Variants in ATP10A observed in about 807,000 individuals in gnomAD.
ATP10A encodes phospholipid-transporting ATPase VA.
Under a neutral mutation model 147.8 loss-of-function variants are expected in ATP10A, and 111 were observed. The observed-to-expected ratio is 0.75, with a 90% CI of 0.64 to 0.88. ATP10A has a LOEUF of 0.88. Among genes scored for constraint, ATP10A ranks in the 40% least tolerant of loss-of-function variants. The probability of loss-of-function intolerance (pLI) is 0.00; values close to 1 mark genes in which losing one functional copy is unlikely to be tolerated. For synonymous variants in ATP10A, 875 were observed against 841.6 expected, an observed-to-expected ratio of 1.04 and a Z score of -0.69; for missense variants, 1,927 against 1,959.0, an observed-to-expected ratio of 0.98 and a Z score of 0.31.
upstream of ATP10A, among the ~76,000 whole-genome samples, chr15:25,863,420 G>C (rs1406779911): frequency 6.6e-6 from 1 of 152,034 alleles, no homozygotes; most frequent in Admixed American, 6.5e-5. Context: ...CCCTCGTTCC[G>C]CGCCCGGACT....
intron 7 of ATP10A, among the ~76,000 whole-genome samples, chr15:25,719,492 GAC>G (rs1195285213): frequency 6.6e-6 from 1 of 152,142 alleles, no homozygotes; most frequent in Non-Finnish European, 1.5e-5. Context: ...ACAGAACCTG[GAC>G]ACATGACTCT....
Position 25,694,903 on chromosome 15 carries a change from G to A in ATP10A, c.3004C>T (p.Leu1002Phe), listed in dbSNP as rs918669231. The A allele has an allele frequency of 1.2e-6, 2 of 1,614,080 alleles. No homozygotes were observed. The highest frequency in any genetic ancestry group is 1.3e-5 in the African/African-American group (1 of 74,936). ...TGCAGAGGCGTCGACCGACAGCAGA[G>A]GACGGAGCGGCACTGCTTGGCAAGG... ...LFLAKQCRSV[L>F]CCRSTPLQKS... is the part of the protein sequence containing the mutation. Residue 1002 changes from leucine (L) to phenylalanine (F), a missense_variant, in exon 14 of 21, where the codon CTC (leucine) becomes TTC (phenylalanine). Transcript: ENST00000555815.
chr15:25,754,616 T>C (rs1318890246), intron 2 of ATP10A, among the ~76,000 whole-genome samples: 1 of 152,120 alleles, frequency 6.6e-6, no homozygotes, highest in East Asian at 1.9e-4. Flanking sequence ...GTCAAGGCAA[T>C]CTCAGAGGTA....
intron 2 of ATP10A, among the ~76,000 whole-genome samples, chr15:25,738,811 G>A (rs1402776422): frequency 6.6e-6 from 1 of 152,178 alleles, no homozygotes; most frequent in Admixed American, 6.5e-5. Flanking sequence ...CAGGCATTGT[G>A]CTAAGTGCCC....
intron 2 of ATP10A, among the ~76,000 whole-genome samples, chr15:25,759,116 G>A (rs1313065806): frequency 3.9e-5 from 6 of 152,186 alleles, no homozygotes; most frequent in Non-Finnish European, 7.3e-5. Flanking sequence ...ATGTGCACTC[G>A]CCATTGTTCC....
intron 14 of ATP10A, among the ~76,000 whole-genome samples, chr15:25,692,269 G>C (rs577091356): frequency 6.6e-6 from 1 of 152,156 alleles, no homozygotes; most frequent in Non-Finnish European, 1.5e-5. Flanking sequence ...CACAGTATTA[G>C]CCATTGTGCT....
intron 2 of ATP10A, among the ~76,000 whole-genome samples, chr15:25,742,850 A>G (rs369662178): frequency 9.2e-5 from 14 of 152,236 alleles, no homozygotes; most frequent in African/African-American, 3.4e-4. Flanking sequence ...TCCCTGCATG[A>G]AACCCGCCTG....
At chr15:25,784,046 T>C (rs12595426) in intron 1 of ATP10A, among the ~76,000 whole-genome samples, 65,425 of 152,180 alleles carry the variant, frequency 0.43, 14,331 homozygotes, top group Non-Finnish European at 0.48. Flanking sequence ...TATCTAGCCA[T>C]GTGCCTACTT....
chr15:25,796,838 C>T (rs1890694013), intron 1 of ATP10A, among the ~76,000 whole-genome samples: 1 of 152,184 alleles, frequency 6.6e-6, no homozygotes, highest in Non-Finnish European at 1.5e-5. Flanking sequence ...CCTTCCGTAG[C>T]TTTGGAGATG....
In ATP10A at chr15:25,694,814, C is replaced by T. The variant is rs1900224074; in HGVS notation, c.3088+5G>A. 1 of 1,599,708 alleles carries T rather than the reference C, an allele frequency of 6.3e-7. No individual in the cohort carries two copies. The highest frequency in any genetic ancestry group is 8.5e-7 in the Non-Finnish European group (1 of 1,170,346). On this transcript the variant is annotated splice_donor_5th_base_variant and intron_variant, in intron 14 of 20. Transcript: ENST00000555815. ...GGAGGCCGTCTGGCCAGCTGGGATA[C>T]TTGCCTATGGCCAGGGTCATGGCCT...
chr15:25,755,165 T>C (rs1172130877), intron 2 of ATP10A, among the ~76,000 whole-genome samples: 1 of 152,152 alleles, frequency 6.6e-6, no homozygotes, highest in East Asian at 1.9e-4. Context: ...AAGTGACTGA[T>C]ACTCCCTAGA....
rs567872221 is a variant in ATP10A at position 25,799,121 on chromosome 15, C to T, written c.450-17898G>A. Among the ~76,000 whole-genome samples the T allele has an allele frequency of 5.8e-4, 89 of 152,276 alleles. 2 individuals are homozygous for T. In the South Asian group the frequency reaches 0.016, roughly 27 times the overall value. ...TCATCGATGACTTCACATCCTAACT[C>T]GGGGGCCATCCGAATGGTTACGGAA... On this transcript the variant is annotated intron_variant, in intron 1 of 20. Coordinates refer to ENST00000555815, the MANE Select transcript of ATP10A (RefSeq NM_024490.4).
rs765379278 is a variant in ATP10A, at chr15:25,730,136, C to CAAA, written c.741-2873_741-2871dup. Among the ~76,000 whole-genome samples, 763 of 100,778 alleles carry CAAA rather than the reference C, an allele frequency of 7.6e-3. 10 individuals carry two copies. The highest frequency in any genetic ancestry group is 0.026 in the African/African-American group (729 of 28,154). The allele number at this position is 100,778 out of a possible 152,430, so 66.1% of individuals were successfully genotyped here. On this transcript the variant is annotated intron_variant, in intron 3 of 20. Coordinates refer to ENST00000555815, the MANE Select transcript of ATP10A (RefSeq NM_024490.4). ...CGAAACCCCGTCTCTACTAAAAATA[C>CAAA]AAAAAAAAAAAAAAAATAGCCAGGC... is the stretch of plus-strand genomic sequence containing the variant.
chr15:25,766,210 A>G (rs1889016729), intron 2 of ATP10A, among the ~76,000 whole-genome samples: 1 of 152,212 alleles, frequency 6.6e-6, no homozygotes, highest in Admixed American at 6.5e-5. Flanking sequence ...TCCATGATTC[A>G]GTTACCTCCC....
intron 17 of ATP10A, among the ~76,000 whole-genome samples, chr15:25,682,278 G>A (rs978316669): frequency 6.6e-6 from 1 of 152,008 alleles, no homozygotes; most frequent in Non-Finnish European, 1.5e-5. Flanking sequence ...CACGATGGAT[G>A]TGTCCCAATG....
At chr15:25,799,901 C>A (rs553038305) in intron 1 of ATP10A, among the ~76,000 whole-genome samples, 1 of 152,062 alleles carries the variant, frequency 6.6e-6, no homozygotes, top group Non-Finnish European at 1.5e-5. Context: ...CTCTTCCTGG[C>A]CAACAACAAC....
intron 2 of ATP10A, among the ~76,000 whole-genome samples, chr15:25,753,055 A>T (rs377648238): frequency 1.3e-5 from 2 of 152,220 alleles, no homozygotes; most frequent in Admixed American, 1.3e-4. Flanking sequence ...AAGCTAGTTA[A>T]CATATCTATC....
intron 1 of ATP10A, 130 bp downstream of exon 1, chr15:25,862,518 G>A: frequency 8.8e-7 from 1 of 1,135,058 alleles, no homozygotes; most frequent in Non-Finnish European, 1.2e-6. Context: ...CCGCGCAGCC[G>A]GGCCCTCCAC....
downstream of ATP10A, chr15:25,677,313 C>T (rs1347497213): frequency 1.3e-5 from 2 of 152,204 alleles, no homozygotes; most frequent in African/African-American, 4.8e-5. Flanking sequence ...TTCCATAATA[C>T]TCCCCATCCT....
Sources: allele counts gnomAD v4.1 joint callset (sites outside exome capture counted in the v4.1 genomes callset), GRCh38; gene constraint gnomAD v4.1.1; transcripts MANE v1.5; gene names NCBI Gene and HGNC (gene_info 2026-07-23, HGNC 2026-07-21).